ST7: variants seen among roughly 807,000 people sequenced by gnomAD.
The protein encoded by ST7 is suppressor of tumorigenicity 7 protein.
ST7 carries 28 observed loss-of-function variants against 78.7 expected under a neutral mutation model. The ratio of observed to expected loss-of-function variants is 0.36; its 90% CI spans 0.26 to 0.49. The LOEUF is 0.49. Ranked by LOEUF, ST7 falls within the 20% of genes least tolerant of loss-of-function variation. The pLI is 0.99. For missense variants in ST7, 418 were observed against 696.0 expected (o/e 0.60, Z 4.49); for synonymous variants, 247 against 249.6 (o/e 0.99, Z 0.10).
Position 117,099,925 on chromosome 7 carries a change from G to C in ST7, c.234+81G>C, listed in dbSNP as rs113571541. 7.0e-3 allele frequency: 7,833 copies of C among 1,115,022 alleles called. 42 individuals carry two copies. The highest frequency in any genetic ancestry group is 8.5e-3 in the Non-Finnish European group (6,590 of 770,892). 69.1% of individuals were successfully genotyped at this position (1,115,022 alleles called of 1,614,324 possible). A position where few individuals can be genotyped will look rare whatever the true frequency, so the allele number is the denominator to read the frequency against. On this transcript the variant is annotated intron_variant, in intron 2 of 15. Coordinates refer to ENST00000323984, the MANE Select transcript of ST7 (RefSeq NM_001369598.1). Reference sequence around the variant, plus strand: ...AGTGTATGTACAGTAAAAAACTCTGGAAGAATATACACTAACAGGTTACAG... The same window carrying C: ...AGTGTATGTACAGTAAAAAACTCTGCAAGAATATACACTAACAGGTTACAG...
In ST7 at chr7:116,975,459, G is replaced by A. The variant is rs569809585; in HGVS notation, c.151+21768G>A. On this transcript the variant is annotated intron_variant, in intron 1 of 15. Transcript: ENST00000323984. ...ATCTCGCTTTGTCTCCCAGGCTAGAGTGCAGTGGCATGATCTTGGCTCACT... is the reference window on the plus strand; with the variant it reads ...ATCTCGCTTTGTCTCCCAGGCTAGAATGCAGTGGCATGATCTTGGCTCACT... Among the ~76,000 whole-genome samples, 17 of 152,142 alleles carry A rather than the reference G, an allele frequency of 1.1e-4. No individual in the cohort carries two copies. The South Asian group carries it at 3.5e-3, about 32-fold the overall frequency.
At chr7:116,986,086 G>A (rs1015383229) in intron 1 of ST7, among the ~76,000 whole-genome samples, 2 of 152,250 alleles carry the variant, frequency 1.3e-5, no homozygotes, top group Non-Finnish European at 2.9e-5. Context: ...ACCCACCTTG[G>A]CCTCCCAAAG....
At chr7:117,098,617 A>C (rs1242117956) in intron 1 of ST7, 1 of 319,718 alleles carries the variant, frequency 3.1e-6, no homozygotes, top group Non-Finnish European at 5.9e-6. Context: ...AAACAGAGAA[A>C]AATATTTGTT....
At chr7:117,015,350 C>T (rs949478643) in intron 1 of ST7, among the ~76,000 whole-genome samples, 1 of 152,192 alleles carries the variant, frequency 6.6e-6, no homozygotes, top group African/African-American at 2.4e-5. Flanking sequence ...GATTATTCCA[C>T]ACAGGGAATA....
intron 12 of ST7, among the ~76,000 whole-genome samples, chr7:117,202,373 C>G (rs1490037687): frequency 6.6e-6 from 1 of 152,192 alleles, no homozygotes; most frequent in Admixed American, 6.5e-5. Context: ...GACCTGAAGA[C>G]CCAGCTGCCT....
intron 1 of ST7, chr7:116,973,024 C>A (rs887028283): frequency 1.2e-5 from 8 of 685,862 alleles, no homozygotes; most frequent in Non-Finnish European, 1.9e-5. Context: ...TTGTTTATAG[C>A]AGTATGGATT....
At chr7:116,980,822 T>A (rs191405464) in intron 1 of ST7, among the ~76,000 whole-genome samples, 43 of 152,338 alleles carry the variant, frequency 2.8e-4, no homozygotes, top group African/African-American at 9.1e-4. Flanking sequence ...AGTATACTCA[T>A]CAAAATAAGA....
At chr7:116,997,463 C>T (rs936560323) in intron 1 of ST7, among the ~76,000 whole-genome samples, 1 of 151,810 alleles carries the variant, frequency 6.6e-6, no homozygotes, top group African/African-American at 2.4e-5. Flanking sequence ...TCTCCAAGTC[C>T]CCACTAGATT....
At chr7:117,149,122 C>T (rs1254719777) in intron 9 of ST7, among the ~76,000 whole-genome samples, 1 of 152,124 alleles carries the variant, frequency 6.6e-6, no homozygotes, top group Admixed American at 6.5e-5. Context: ...AGAGCAGATA[C>T]CCTGGTTAGC....
At chr7:117,075,449 A>C (rs565419316) in intron 1 of ST7, among the ~76,000 whole-genome samples, 1 of 152,282 alleles carries the variant, frequency 6.6e-6, no homozygotes, top group Non-Finnish European at 1.5e-5. Flanking sequence ...TTTGCTCCCA[A>C]ATTAAGATAT....
rs375701344 is a variant in ST7, at chr7:117,129,937, A to G, written c.449+90A>G. ...GTTTTTGCTGGTTCATTTAGGGGTC[A>G]TTGTAACAGTCTATGTAGTGCGTCC... is the stretch of plus-strand genomic sequence containing the variant. On this transcript the variant is annotated intron_variant, in intron 4 of 15. Transcript: ENST00000323984. The G allele has an allele frequency of 3.8e-5, 37 of 975,736 alleles. No homozygotes were observed. In the African/African-American group the frequency reaches 4.6e-4, roughly 12 times the overall value. 60.4% of individuals were successfully genotyped at this position (975,736 alleles called of 1,614,324 possible). A position where few individuals can be genotyped will look rare whatever the true frequency, so the allele number is the denominator to read the frequency against.
At chr7:117,222,712 T>C in intron 15 of ST7, 1 of 673,278 alleles carries the variant, frequency 1.5e-6, no homozygotes, top group East Asian at 2.6e-5. Flanking sequence ...GAGGATAAGT[T>C]TACTGATCTT....
At chr7:117,110,511 C>T (rs1371409700) in intron 2 of ST7, among the ~76,000 whole-genome samples, 1 of 152,198 alleles carries the variant, frequency 6.6e-6, no homozygotes, top group African/African-American at 2.4e-5. Context: ...CAGTTAGTAA[C>T]CTGCCTTCAG....
At chr7:117,155,683 C>T (rs1806637064) in intron 9 of ST7, among the ~76,000 whole-genome samples, 1 of 152,194 alleles carries the variant, frequency 6.6e-6, no homozygotes, top group Non-Finnish European at 1.5e-5. Context: ...CTTTCTGCTT[C>T]TACTCTTAAT....
At chr7:117,054,158 A>T (rs1797941390) in intron 1 of ST7, among the ~76,000 whole-genome samples, 1 of 152,116 alleles carries the variant, frequency 6.6e-6, no homozygotes, top group Admixed American at 6.5e-5. Flanking sequence ...TTTTGACCTT[A>T]GCTAGCTTTC....
At chr7:117,092,478 C>T (rs1446537327) in intron 1 of ST7, among the ~76,000 whole-genome samples, 2 of 152,128 alleles carry the variant, frequency 1.3e-5, no homozygotes, top group Non-Finnish European at 2.9e-5. Flanking sequence ...GGAGTGTAAA[C>T]TAAGCCATTA....
chr7:117,189,287 A>G, intron 10 of ST7, 34 bp from the exon 11 acceptor site: 1 of 1,542,494 alleles, frequency 6.5e-7, no homozygotes, highest in Non-Finnish European at 8.9e-7. Flanking sequence ...TTACCTGCAA[A>G]CTTATGTGTT....
At chr7:117,102,901 T>C (rs2116825277) in intron 2 of ST7, among the ~76,000 whole-genome samples, 1 of 152,174 alleles carries the variant, frequency 6.6e-6, no homozygotes, top group South Asian at 2.1e-4. Flanking sequence ...AAAATCAGCA[T>C]ACAAAAATCA....
intron 12 of ST7, among the ~76,000 whole-genome samples, chr7:117,196,734 C>G (rs558970471): frequency 2.3e-5 from 3 of 133,078 alleles, no homozygotes; most frequent in Non-Finnish European, 4.6e-5. Flanking sequence ...TTTCTCTATT[C>G]CACAGGTTAC....
Sources: allele counts gnomAD v4.1 joint callset (sites outside exome capture counted in the v4.1 genomes callset), GRCh38; gene constraint gnomAD v4.1.1; transcripts MANE v1.5; gene names NCBI Gene and HGNC (gene_info 2026-07-23, HGNC 2026-07-21).